Variants in TRAPPC9 observed in about 807,000 individuals in gnomAD.
TRAPPC9 encodes the protein IKK2 binding protein.
TRAPPC9 carries 83 observed loss-of-function variants against 124.0 expected under a neutral mutation model. The observed-to-expected ratio is 0.67, with a 90% confidence interval of 0.56 to 0.80. TRAPPC9 has a LOEUF of 0.80. TRAPPC9 is among the 30% of genes least tolerant of loss of function. The pLI is 0.00. For synonymous variants in TRAPPC9, 638 were observed against 617.5 expected (o/e 1.03, Z -0.49); for missense variants, 1,302 against 1,508.3 (o/e 0.86, Z 2.27).
At chr8:140,458,075 A>C, upstream of TRAPPC9, among the ~76,000 whole-genome samples, 1 of 88,356 alleles carries the variant, frequency 1.1e-5, no homozygotes, top group East Asian at 3.6e-4. Flanking sequence ...GAAGCGGGGG[A>C]CAGGGAGAGG....
chr8:140,348,633 T>C (rs953104285), intron 9 of TRAPPC9, among the ~76,000 whole-genome samples: 3 of 152,180 alleles, frequency 2.0e-5, no homozygotes, highest in Non-Finnish European at 4.4e-5. Flanking sequence ...AAAGCATGTA[T>C]TATTAATGCA....
Position 140,011,501 on chromosome 8 carries a change from C to CTTTT in TRAPPC9, c.2699+12432_2699+12435dup, listed in dbSNP as rs916485762. 3.9e-4 allele frequency among the ~76,000 whole-genome samples: 45 copies of CTTTT among 114,644 alleles called. 1 individual carries two copies. Among genetic ancestry groups the CTTTT allele is most frequent in the African/African-American group, 1.7e-3 (40 of 23,290 alleles). 75.2% of individuals were successfully genotyped at this position (114,644 alleles called of 152,430 possible). ...ACTTAACATGCTTCCAGAAGGCATA[C>CTTTT]TTTTTTTTTTTTTTTTTTTTTGAGA... On this transcript the variant is annotated intron_variant, in intron 18 of 22. Coordinates refer to ENST00000438773, the MANE Select transcript of TRAPPC9 (RefSeq NM_001160372.4).
rs1471967837 is a variant in TRAPPC9 at position 140,250,567 on chromosome 8, T to C, written c.2431+2210A>G. ...GCCACTTCACATAAGGGCGCCGTGATTGTCTCGTGCTTCCTCAGACTGAAC... is the reference window on the plus strand; with the variant it reads ...GCCACTTCACATAAGGGCGCCGTGACTGTCTCGTGCTTCCTCAGACTGAAC... On this transcript the variant is annotated intron_variant, in intron 16 of 22. Transcript: ENST00000438773. Among the ~76,000 whole-genome samples, 5 of 152,256 alleles carry C rather than the reference T, an allele frequency of 3.3e-5. No individual in the cohort carries two copies. The East Asian group carries it at 7.7e-4, about 23-fold the overall frequency.
intron 21 of TRAPPC9, among the ~76,000 whole-genome samples, chr8:139,757,339 G>A (rs1194660764): frequency 6.8e-6 from 1 of 147,048 alleles, no homozygotes; most frequent in African/African-American, 2.5e-5. Context: ...TGGGGATGAG[G>A]ACAGCAGGTC....
intron 18 of TRAPPC9, among the ~76,000 whole-genome samples, chr8:139,998,062 G>A (rs1262571743): frequency 6.6e-6 from 1 of 152,012 alleles, no homozygotes; most frequent in Non-Finnish European, 1.5e-5. Context: ...TCCTACACAG[G>A]GAGACAATGC....
intron 17 of TRAPPC9, among the ~76,000 whole-genome samples, chr8:140,032,404 C>T (rs1326972941): frequency 6.7e-6 from 1 of 148,550 alleles, no homozygotes; most frequent in Non-Finnish European, 1.5e-5. Context: ...GTAAACTTTT[C>T]CTCCCCCCCC....
chr8:140,359,444 G>A (rs1230546880), intron 9 of TRAPPC9, among the ~76,000 whole-genome samples: 1 of 152,172 alleles, frequency 6.6e-6, no homozygotes, highest in African/African-American at 2.4e-5. Flanking sequence ...AGAAGATGAA[G>A]GCCAAGAAAG....
intron 15 of TRAPPC9, among the ~76,000 whole-genome samples, chr8:140,266,527 G>A (rs1373019179): frequency 2.0e-5 from 3 of 146,398 alleles, no homozygotes; most frequent in Non-Finnish European, 4.5e-5. Context: ...ACATGACATC[G>A]CTAGACCCTC....
At position 139,728,895 on chromosome 8, in the gene TRAPPC9, A is replaced by G. The variant is rs923317856; in HGVS notation, c.*2166T>C. 3.3e-5 allele frequency among the ~76,000 whole-genome samples: 5 copies of G among 152,280 alleles called. No homozygotes were observed. Among genetic ancestry groups the G allele is most frequent in the African/African-American group, 1.2e-4 (5 of 41,478 alleles). On this transcript the variant is annotated 3_prime_UTR_variant, in exon 23 of 23. Coordinates refer to ENST00000438773, the MANE Select transcript of TRAPPC9 (RefSeq NM_001160372.4). ...TGCAGTTTGGGAAACTAAAAAATAT[A>G]GAAAACTGCAAGAAATAATTACAGT...
intron 9 of TRAPPC9, 88 bp downstream of exon 9, chr8:140,359,962 C>G (rs2067892461): frequency 6.3e-7 from 1 of 1,596,830 alleles, no homozygotes; most frequent in Non-Finnish European, 8.6e-7. Flanking sequence ...CCACTGAAAC[C>G]CAAGCCCAGG....
At chr8:140,428,656 T>C (rs563678720) in intron 4 of TRAPPC9, among the ~76,000 whole-genome samples, 75 of 152,302 alleles carry the variant, frequency 4.9e-4, no homozygotes, top group African/African-American at 1.7e-3. Flanking sequence ...CTTTTGTTTA[T>C]ATTTAGGGGC....
At chr8:140,155,505 A>C (rs1035657630) in intron 17 of TRAPPC9, among the ~76,000 whole-genome samples, 18 of 152,252 alleles carry the variant, frequency 1.2e-4, no homozygotes, top group Non-Finnish European at 2.5e-4. Flanking sequence ...AACAAGGGAA[A>C]GAGATGCAGA....
chr8:139,808,861 T>C (rs558891594), intron 21 of TRAPPC9, among the ~76,000 whole-genome samples: 1 of 152,352 alleles, frequency 6.6e-6, no homozygotes, highest in South Asian at 2.1e-4. Flanking sequence ...CATCAGCTGA[T>C]GGATAGGTAA....
chr8:139,883,460 C>A (rs1829804018), intron 21 of TRAPPC9, among the ~76,000 whole-genome samples: 1 of 152,228 alleles, frequency 6.6e-6, no homozygotes, highest in South Asian at 2.1e-4. Context: ...TAGCCTAGAG[C>A]CTTCACGCCT....
chr8:139,901,896 G>A (rs1306750525), intron 20 of TRAPPC9, among the ~76,000 whole-genome samples: 1 of 152,228 alleles, frequency 6.6e-6, no homozygotes, highest in Non-Finnish European at 1.5e-5. Flanking sequence ...CTACTTCAGA[G>A]AGTTGTTGTG....
At chr8:139,908,638 C>T (rs908745035) in intron 20 of TRAPPC9, 3 of 152,290 alleles carry the variant, frequency 2.0e-5, no homozygotes, top group African/African-American at 4.8e-5. Context: ...CCTGGCCCTA[C>T]CCCTCATGGC....
At chr8:139,895,046 G>A (rs1198239225) in intron 20 of TRAPPC9, among the ~76,000 whole-genome samples, 1 of 152,216 alleles carries the variant, frequency 6.6e-6, no homozygotes, top group Non-Finnish European at 1.5e-5. Context: ...CCAGAAACCG[G>A]AGGGCTCAAC....
At chr8:139,978,923 C>T (rs1836681938) in intron 19 of TRAPPC9, among the ~76,000 whole-genome samples, 1 of 152,070 alleles carries the variant, frequency 6.6e-6, no homozygotes, top group Non-Finnish European at 1.5e-5. Flanking sequence ...CACAGATAAC[C>T]TGAGTTGCTT....
At chr8:139,738,457 C>G (rs979667075) in intron 21 of TRAPPC9, among the ~76,000 whole-genome samples, 3 of 152,194 alleles carry the variant, frequency 2.0e-5, no homozygotes, top group Non-Finnish European at 4.4e-5. Context: ...GACCCTGGGC[C>G]ATCGGAGTAG....
Sources: gnomAD v4.1 joint callset for allele counts (sites outside exome capture counted in the v4.1 genomes callset) on GRCh38, gnomAD v4.1.1 for gene constraint, MANE v1.5 for transcripts, NCBI Gene and HGNC (gene_info 2026-07-23, HGNC 2026-07-21) for gene names.